Variants in PEBP4 observed in about 807,000 individuals in gnomAD.
The protein encoded by PEBP4 is phosphatidylethanolamine-binding protein 4.
Under a neutral mutation model 23.9 loss-of-function variants are expected in PEBP4, and 22 were observed. That is an observed-to-expected ratio of 0.92 (90% confidence interval 0.66 to 1.31). The LOEUF (loss-of-function observed/expected upper bound fraction) is 1.31. Among genes scored for constraint, PEBP4 ranks in the 40% most tolerant of loss-of-function variants. PEBP4 has a pLI of 0.00. For missense variants in PEBP4, 324 were observed against 281.7 expected (o/e 1.15, Z -1.07); for synonymous variants, 112 against 99.3 (o/e 1.13, Z -0.76).
At chr8:22,885,152 T>C (rs1343119531) in intron 3 of PEBP4, 1 of 152,190 alleles carries the variant, frequency 6.6e-6, no homozygotes, top group Non-Finnish European at 1.5e-5. Context: ...CCCCAGGAGA[T>C]GAACACCGTC....
At chr8:22,860,192 G>A (rs62495020) in intron 3 of PEBP4, among the ~76,000 whole-genome samples, 2 of 68,330 alleles carry the variant, frequency 2.9e-5, no homozygotes, top group Non-Finnish European at 4.0e-5. Flanking sequence ...ACATATATAT[G>A]TATATATATA....
Position 22,869,486 on chromosome 8 carries a change from A to G in PEBP4, c.258+50698T>C, listed in dbSNP as rs558221217. Among the ~76,000 whole-genome samples, 49 of 152,328 alleles carry G rather than the reference A, an allele frequency of 3.2e-4. No homozygotes were observed. In the South Asian group the frequency reaches 3.7e-3, roughly 12 times the overall value. On this transcript the variant is annotated intron_variant, in intron 3 of 6. Transcript: ENST00000256404. ...ATAAACAAATGTGGGTTCAAAGTGA[A>G]AGGTGGTTACAGGCTCATGGACTTT... is the stretch of plus-strand genomic sequence containing the variant.
chr8:22,778,068 C>T (rs1250484704), intron 4 of PEBP4, among the ~76,000 whole-genome samples: 1 of 152,128 alleles, frequency 6.6e-6, no homozygotes, highest in African/African-American at 2.4e-5. Context: ...CATCACGGTT[C>T]CCTTCCTGTC....
At chr8:22,770,599 C>T (rs904248291) in intron 4 of PEBP4, among the ~76,000 whole-genome samples, 3 of 152,230 alleles carry the variant, frequency 2.0e-5, no homozygotes, top group Admixed American at 2.0e-4. Flanking sequence ...CCAGGTTATT[C>T]ATTGTGACTG....
At chr8:22,921,658 CAG>C (rs1296230271) in intron 2 of PEBP4, among the ~76,000 whole-genome samples, 2 of 152,348 alleles carry the variant, frequency 1.3e-5, no homozygotes, top group East Asian at 3.9e-4. Flanking sequence ...GCTCTGGTCT[CAG>C]AGAGTGGAAG....
intron 4 of PEBP4, among the ~76,000 whole-genome samples, chr8:22,794,873 A>T (rs964998809): frequency 5.3e-5 from 8 of 152,060 alleles, no homozygotes; most frequent in African/African-American, 1.9e-4. Context: ...ACATTTAAAT[A>T]GCTAATCCAT....
At chr8:22,903,014 C>G (rs1325563631) in intron 3 of PEBP4, among the ~76,000 whole-genome samples, 1 of 152,130 alleles carries the variant, frequency 6.6e-6, no homozygotes, top group African/African-American at 2.4e-5. Context: ...AATAGGAGGG[C>G]CTTGTAATAG....
intron 3 of PEBP4, chr8:22,886,200 T>C (rs1017282980): frequency 6.6e-6 from 1 of 152,218 alleles, no homozygotes; most frequent in Non-Finnish European, 1.5e-5. Context: ...TTCTGCACTT[T>C]ACAGACAGGC....
At chr8:22,931,303 C>T (rs1318108312), upstream of PEBP4, among the ~76,000 whole-genome samples, 2 of 152,134 alleles carry the variant, frequency 1.3e-5, no homozygotes, top group South Asian at 2.1e-4. Context: ...TTCGTATGTT[C>T]ACAAGCTTGT....
At chr8:22,839,310 G>A (rs1397865993) in intron 3 of PEBP4, among the ~76,000 whole-genome samples, 2 of 152,166 alleles carry the variant, frequency 1.3e-5, no homozygotes, top group Admixed American at 6.5e-5. Flanking sequence ...GGAGGGGCGG[G>A]GCTCTTGGGA....
At chr8:22,818,596 T>A (rs1354392121) in intron 3 of PEBP4, among the ~76,000 whole-genome samples, 1 of 152,088 alleles carries the variant, frequency 6.6e-6, no homozygotes. Context: ...TTATTCAAAG[T>A]GCAACACAGA....
intron 3 of PEBP4, among the ~76,000 whole-genome samples, chr8:22,863,037 T>C (rs762020165): frequency 6.6e-6 from 1 of 152,148 alleles, no homozygotes; most frequent in Non-Finnish European, 1.5e-5. Flanking sequence ...CCTGACCTCG[T>C]GATCTGCCTG....
At chr8:22,804,655 C>T (rs1314882440) in intron 4 of PEBP4, among the ~76,000 whole-genome samples, 2 of 152,090 alleles carry the variant, frequency 1.3e-5, no homozygotes, top group Admixed American at 6.5e-5. Context: ...TTTCCTCCTC[C>T]CTTCGCCCAG....
intron 3 of PEBP4, among the ~76,000 whole-genome samples, chr8:22,911,817 T>C (rs1045827429): frequency 2.6e-5 from 4 of 152,340 alleles, no homozygotes; most frequent in Middle Eastern, 3.4e-3. Flanking sequence ...TGCAAATCCA[T>C]TGAGTGCTCC....
chr8:22,834,516 G>A (rs931050223), intron 3 of PEBP4, among the ~76,000 whole-genome samples: 2 of 152,234 alleles, frequency 1.3e-5, no homozygotes, highest in African/African-American at 4.8e-5. Context: ...GACACATTGA[G>A]AAAGAGGTAT....
At chr8:22,939,320 C>T (rs1219078257) in intron 1 of PEBP4, among the ~76,000 whole-genome samples, 1 of 151,956 alleles carries the variant, frequency 6.6e-6, no homozygotes, top group African/African-American at 2.4e-5. Context: ...AAGATTTTGC[C>T]CTTACACCTG....
At chr8:22,765,713 G>T (rs139146993) in intron 4 of PEBP4, among the ~76,000 whole-genome samples, 1 of 152,366 alleles carries the variant, frequency 6.6e-6, no homozygotes, top group African/African-American at 2.4e-5. Flanking sequence ...TAGGTTCTAA[G>T]CACCTAAACA....
At chr8:22,808,283 C>T (rs2128760131) in intron 4 of PEBP4, among the ~76,000 whole-genome samples, 1 of 152,238 alleles carries the variant, frequency 6.6e-6, no homozygotes, top group South Asian at 2.1e-4. Flanking sequence ...ATCCATCCAC[C>T]AACCACCCAC....
chr8:22,891,849 G>A (rs762226706), intron 3 of PEBP4, among the ~76,000 whole-genome samples: 9 of 152,196 alleles, frequency 5.9e-5, no homozygotes, highest in South Asian at 4.1e-4. Context: ...CGAGGCGGAC[G>A]GATCACGAGG....
Sources: allele counts gnomAD v4.1 joint callset (sites outside exome capture counted in the v4.1 genomes callset), GRCh38; gene constraint gnomAD v4.1.1; transcripts MANE v1.5; gene names NCBI Gene and HGNC (gene_info 2026-07-23, HGNC 2026-07-21).